The following NLGN4Y variants were observed in gnomAD, a reference collection of about 807,000 sequenced individuals.
NLGN4Y encodes the protein neuroligin 4 Y-linked.
In NLGN4Y, 4 loss-of-function variants were observed where a neutral mutation model predicts 8.4. That is an observed-to-expected ratio of 0.48 (90% CI 0.23 to 1.09). The LOEUF (loss-of-function observed/expected upper bound fraction) is 1.09, where lower values mean the gene tolerates loss of function less well. Among genes scored for constraint, NLGN4Y ranks in the 50% least tolerant of loss-of-function variants. The pLI, the probability that NLGN4Y is intolerant of heterozygous loss-of-function variation, is 0.19. For missense variants in NLGN4Y, 90 were observed against 192.3 expected, an observed-to-expected ratio of 0.47 and a Z score of 3.15; for synonymous variants, 35 against 75.6, an observed-to-expected ratio of 0.46 and a Z score of 2.78.
intron 2 of NLGN4Y, among the ~76,000 whole-genome samples, chrY:14,627,189 G>GA (rs775355307): frequency 7.3e-4 from 9 of 12,383 alleles, no homozygotes; most frequent in East Asian, 2.1e-3. Flanking sequence ...TCAATCTTAA[G>GA]AAAAAAAAAA....
intron 4 of NLGN4Y, chrY:14,733,664 C>G: frequency 8.7e-6 from 1 of 114,944 alleles, no homozygotes; most frequent in Non-Finnish European, 1.6e-5. Flanking sequence ...TTCCCTGATG[C>G]TTTCATGGGT....
At chrY:14,685,798 A>AT (rs2080787633) in intron 2 of NLGN4Y, among the ~76,000 whole-genome samples, 2 of 33,283 alleles carry the variant, frequency 6.0e-5, no homozygotes, top group East Asian at 1.6e-3. Flanking sequence ...CATGCCAACA[A>AT]TGTTATGGAC....
intron 4 of NLGN4Y, among the ~76,000 whole-genome samples, chrY:14,758,634 T>A: frequency 3.1e-5 from 1 of 32,668 alleles, no homozygotes; most frequent in Non-Finnish European, 7.5e-5. Flanking sequence ...GTTTATTTGG[T>A]TGGTTGATTG....
chrY:14,694,037 T>C (rs2080819862), intron 2 of NLGN4Y, among the ~76,000 whole-genome samples: 1 of 33,627 alleles, frequency 3.0e-5, no homozygotes, highest in African/African-American at 1.2e-4. Flanking sequence ...TATTGATTTT[T>C]AGCAGCTACT....
chrY:14,807,560 G>A (rs2043062388), intron 4 of NLGN4Y, among the ~76,000 whole-genome samples: 1 of 33,012 alleles, frequency 3.0e-5, no homozygotes, highest in African/African-American at 1.2e-4. Flanking sequence ...ACTTTTCAAA[G>A]TATATATGGA....
At chrY:14,663,639 G>A (rs2080682615) in intron 2 of NLGN4Y, among the ~76,000 whole-genome samples, 1 of 31,854 alleles carries the variant, frequency 3.1e-5, no homozygotes, top group African/African-American at 1.2e-4. Context: ...GTGAAACCTC[G>A]TCTCCACTAA....
In NLGN4Y at chrY:14,842,505, T is replaced by C. The variant is rs2043229034; in HGVS notation, c.*1243T>C. 1 of 120,828 alleles carries C rather than the reference T, an allele frequency of 8.3e-6. No individual in the cohort carries two copies. Among genetic ancestry groups the C allele is most frequent in the South Asian group, 3.9e-5 (1 of 25,607 alleles). 30.1% of individuals were successfully genotyped at this position (120,828 alleles called of 400,897 possible). On this transcript the variant is annotated 3_prime_UTR_variant, in exon 7 of 7. Transcript: ENST00000684976. ...CTGCCGGAGGATTTGGCTGATGAAGTACCTGCTCAGCTTAGCTAATCAGAT... is the reference window on the plus strand; with the variant it reads ...CTGCCGGAGGATTTGGCTGATGAAGCACCTGCTCAGCTTAGCTAATCAGAT...
At position 14,622,344 on chromosome Y, in the gene NLGN4Y, G is replaced by A; in HGVS notation, c.225G>A (p.Gly75=). 5 of 398,726 alleles carry A rather than the reference G, an allele frequency of 1.3e-5. No homozygotes were observed. Among genetic ancestry groups the A allele is most frequent in the Non-Finnish European group, 1.8e-5 (5 of 283,506 alleles). The part of the protein sequence containing the change: ...EILGPVEQYL[G]VPYASPPTGE... ...TGGGTCCAGTGGAGCAGTACTTAGG[G>A]GTCCCCTATGCCTCACCCCCAACTG... Residue 75 remains glycine (G), a synonymous_variant, in exon 2 of 7, where the codon GGG becomes GGA. Transcript: ENST00000684976.
chrY:14,659,146 A>T, intron 2 of NLGN4Y, among the ~76,000 whole-genome samples: 2 of 33,090 alleles, frequency 6.0e-5, no homozygotes, highest in Non-Finnish European at 1.5e-4. Context: ...AATCTGTGTA[A>T]GTCCTTCACA....
intron 4 of NLGN4Y, among the ~76,000 whole-genome samples, chrY:14,738,331 AT>A (rs2080996709): frequency 6.4e-5 from 2 of 31,495 alleles, no homozygotes; most frequent in Non-Finnish European, 1.6e-4. Flanking sequence ...AAGAGACGCT[AT>A]TTTTTTTTCC....
At chrY:14,557,600 T>TGA (rs2080214419) in intron 1 of NLGN4Y, among the ~76,000 whole-genome samples, 6 of 33,347 alleles carry the variant, frequency 1.8e-4, no homozygotes, top group Non-Finnish European at 3.7e-4. Flanking sequence ...GGTGTCATCT[T>TGA]GGTTTTTTTC....
At chrY:14,648,236 A>G in intron 2 of NLGN4Y, among the ~76,000 whole-genome samples, 1 of 33,139 alleles carries the variant, frequency 3.0e-5, no homozygotes, top group Non-Finnish European at 7.4e-5. Context: ...GGTTAAACCC[A>G]TCTCCACTAA....
intron 2 of NLGN4Y, among the ~76,000 whole-genome samples, chrY:14,661,996 A>G: frequency 2.6e-4 from 9 of 34,116 alleles, no homozygotes; most frequent in African/African-American, 1.0e-3. Flanking sequence ...TTGCGCTCAA[A>G]TCTGTGAGAC....
intron 1 of NLGN4Y, among the ~76,000 whole-genome samples, chrY:14,604,659 G>A: frequency 3.0e-5 from 1 of 33,883 alleles, no homozygotes; most frequent in Non-Finnish European, 7.3e-5. Flanking sequence ...TGGAAGAATA[G>A]AAATGGAGAG....
intron 4 of NLGN4Y, among the ~76,000 whole-genome samples, chrY:14,802,732 A>T: frequency 6.5e-5 from 1 of 15,501 alleles, no homozygotes; most frequent in Non-Finnish European, 1.1e-4. Flanking sequence ...TATAAATTAT[A>T]TATGTAATTA....
At chrY:14,528,838 C>G in intron 1 of NLGN4Y, among the ~76,000 whole-genome samples, 2 of 33,490 alleles carry the variant, frequency 6.0e-5, no homozygotes, top group African/African-American at 1.2e-4. Flanking sequence ...ATGAAATGAT[C>G]TAGGCTTTCA....
intron 4 of NLGN4Y, chrY:14,793,975 A>T (rs2042997410): frequency 5.7e-5 from 1 of 17,425 alleles, no homozygotes; most frequent in Non-Finnish European, 1.2e-4. Flanking sequence ...TGGGTGACAG[A>T]GCGAGACCCC....
At chrY:14,659,736 C>T (rs2080667229) in intron 2 of NLGN4Y, among the ~76,000 whole-genome samples, 1 of 33,197 alleles carries the variant, frequency 3.0e-5, no homozygotes, top group Non-Finnish European at 7.4e-5. Flanking sequence ...TCTGACAGCC[C>T]AGCCCCCTTG....
At chrY:14,707,131 A>ATC in intron 2 of NLGN4Y, among the ~76,000 whole-genome samples, 1 of 14,574 alleles carries the variant, frequency 6.9e-5, no homozygotes, top group African/African-American at 2.7e-4. Context: ...ATATATATAT[A>ATC]TATCTGTAGC....
Sources: gnomAD v4.1 joint callset for allele counts (sites outside exome capture counted in the v4.1 genomes callset) on GRCh38, gnomAD v4.1.1 for gene constraint, MANE v1.5 for transcripts, NCBI Gene and HGNC (gene_info 2026-07-23, HGNC 2026-07-21) for gene names.